The following RAP1GAP2 variants were observed in gnomAD, a reference collection of about 807,000 sequenced individuals.
RAP1GAP2 encodes the protein RAP1 GTPase activating protein 2, also known as rap1 GTPase-activating protein 2.
A neutral mutation model predicts 95.0 loss-of-function variants in RAP1GAP2; 27 were observed. The ratio of observed to expected loss-of-function variants is 0.28; its 90% CI spans 0.21 to 0.39. The LOEUF (loss-of-function observed/expected upper bound fraction) is 0.39. Among genes scored for constraint, RAP1GAP2 ranks in the 10% least tolerant of loss-of-function variants. The pLI is 1.00. For missense variants in RAP1GAP2, 771 were observed against 970.0 expected (o/e 0.79, Z 2.72); for synonymous variants, 373 against 380.9 (o/e 0.98, Z 0.24).
Position 2,797,890 on chromosome 17 carries a change from G to A in RAP1GAP2, c.44+1319G>A, listed in dbSNP as rs2069140625. The A allele has an allele frequency of 1.6e-6, 1 of 625,126 alleles. No individual in the cohort carries two copies. The highest frequency in any genetic ancestry group is 6.3e-5 in the Admixed American group (1 of 15,794). The allele number at this position is 625,126 out of a possible 1,614,324, so 38.7% of individuals were successfully genotyped here. A position where few individuals can be genotyped will look rare whatever the true frequency, so the allele number is the denominator to read the frequency against. On this transcript the variant is annotated intron_variant, in intron 1 of 24. Transcript: ENST00000254695. This position sits in a 1 kb window ranked among gnomAD's most constrained non-coding sequence, Gnocchi z 5.6. ...GGGCAGGGCCCAGCAATTAGATTGT[G>A]CCCTCCAAGGCCCGCCTTTCTCTGG... is the stretch of plus-strand genomic sequence containing the variant.
At chr17:2,960,377 G>A (rs2044270092) in intron 4 of RAP1GAP2, among the ~76,000 whole-genome samples, 1 of 152,160 alleles carries the variant, frequency 6.6e-6, no homozygotes, top group Non-Finnish European at 1.5e-5. Flanking sequence ...TTTGCCAGCT[G>A]GGACAGGGTC....
At chr17:2,873,980 T>A (rs1195005932) in intron 2 of RAP1GAP2, among the ~76,000 whole-genome samples, 1 of 151,958 alleles carries the variant, frequency 6.6e-6, no homozygotes, top group African/African-American at 2.4e-5. Context: ...TTCACCATGT[T>A]GGCCAGGCTG....
chr17:3,017,689 A>G (rs1353690510), intron 17 of RAP1GAP2, among the ~76,000 whole-genome samples: 1 of 152,196 alleles, frequency 6.6e-6, no homozygotes, highest in East Asian at 1.9e-4. Context: ...TAGAGAGGTT[A>G]GTAACTAGGT....
chr17:2,853,697 C>T (rs1186281957), intron 2 of RAP1GAP2, among the ~76,000 whole-genome samples: 1 of 146,656 alleles, frequency 6.8e-6, no homozygotes, highest in Non-Finnish European at 1.5e-5. Flanking sequence ...GGCGGCGCGT[C>T]TGAGCGGGAG....
At position 2,981,076 on chromosome 17, in the gene RAP1GAP2, C is replaced by T. The variant is rs1390758042; in HGVS notation, c.676-119C>T. On this transcript the variant is annotated intron_variant, in intron 9 of 24. Transcript: ENST00000254695. ...TAGTGAGCAGCAGTCAGAATCCCCG[C>T]CCAGGCCTCCTGACCCATGTGCCTC... The T allele has an allele frequency of 7.0e-6, 6 of 859,146 alleles. No homozygotes were observed. The East Asian group carries it at 1.3e-4, about 19-fold the overall frequency. The allele number at this position is 859,146 out of a possible 1,614,324, so 53.2% of individuals were successfully genotyped here. A position where few individuals can be genotyped will look rare whatever the true frequency, so the allele number is the denominator to read the frequency against.
Position 3,004,000 on chromosome 17 carries a change from G to A in RAP1GAP2, c.1201-1369G>A, listed in dbSNP as rs2046253089. Among the ~76,000 whole-genome samples the A allele has an allele frequency of 2.0e-5, 3 of 152,200 alleles. No homozygotes were observed. Among genetic ancestry groups the A allele is most frequent in the Admixed American group, 2.0e-4 (3 of 15,286 alleles). Reference sequence around the variant, plus strand: ...GGCACAGACCACTCTAATGCAGGCTGGAGGAGGAGGGGGAGTGGGGTGGGA... The same window carrying A: ...GGCACAGACCACTCTAATGCAGGCTAGAGGAGGAGGGGGAGTGGGGTGGGA... On this transcript the variant is annotated intron_variant, in intron 14 of 24. Transcript: ENST00000254695. This position sits in a 1 kb window ranked among gnomAD's most constrained non-coding sequence, Gnocchi z 4.1.
chr17:2,927,250 T>C (rs1033325819), intron 3 of RAP1GAP2, among the ~76,000 whole-genome samples: 3 of 151,408 alleles, frequency 2.0e-5, no homozygotes, highest in African/African-American at 4.8e-5. Flanking sequence ...GCCTCCCGGG[T>C]TCAGGCCGTT....
At chr17:2,897,961 C>T (rs1353295691) in intron 2 of RAP1GAP2, among the ~76,000 whole-genome samples, 1 of 151,444 alleles carries the variant, frequency 6.6e-6, no homozygotes, top group African/African-American at 2.4e-5. Flanking sequence ...CGCTCTGTCC[C>T]CCAGGCTGGA....
chr17:3,017,318 C>CA (rs1458446458), intron 17 of RAP1GAP2, among the ~76,000 whole-genome samples: 7 of 152,022 alleles, frequency 4.6e-5, no homozygotes, highest in Admixed American at 1.3e-4. Flanking sequence ...CTGAGCAGCT[C>CA]CGTGCCCCCC....
intron 1 of RAP1GAP2, among the ~76,000 whole-genome samples, chr17:2,766,349 G>T (rs1369472768): frequency 6.6e-6 from 1 of 152,114 alleles, no homozygotes; most frequent in Admixed American, 6.6e-5. Flanking sequence ...CTTGAAAGTG[G>T]AGCCCACATC....
rs143281883 is a variant in RAP1GAP2 at position 3,008,973 on chromosome 17, C to T, written c.1494+828C>T. Among the ~76,000 whole-genome samples, 1 of 152,294 alleles carries T rather than the reference C, an allele frequency of 6.6e-6. No homozygotes were observed. Among genetic ancestry groups the T allele is most frequent in the Non-Finnish European group, 1.5e-5 (1 of 68,030 alleles). ...TTAGAGCCTCATTTCAAACGCAGGT[C>T]TTCTGATTCTTAGGTCCGTGTGCTG... On this transcript the variant is annotated intron_variant, in intron 17 of 24. Coordinates refer to ENST00000254695, the MANE Select transcript of RAP1GAP2 (RefSeq NM_015085.5). This position sits in a 1 kb window ranked among gnomAD's most constrained non-coding sequence, Gnocchi z 4.2.
At chr17:2,973,857 A>T (rs1452258966) in intron 8 of RAP1GAP2, among the ~76,000 whole-genome samples, 1 of 152,252 alleles carries the variant, frequency 6.6e-6, no homozygotes, top group Admixed American at 6.5e-5. Flanking sequence ...AAAACAAAAC[A>T]ATACTTCTAG....
chr17:2,818,794 A>G (rs1459022687), intron 2 of RAP1GAP2, among the ~76,000 whole-genome samples: 1 of 152,174 alleles, frequency 6.6e-6, no homozygotes, highest in African/African-American at 2.4e-5. Flanking sequence ...GACACGCAGC[A>G]GCTGTGAGAC....
Position 2,983,064 on chromosome 17 carries a change from G to A in RAP1GAP2, c.729+1816G>A, listed in dbSNP as rs569887885. Among the ~76,000 whole-genome samples, 10 of 152,310 alleles carry A rather than the reference G, an allele frequency of 6.6e-5. No homozygotes were observed. In the East Asian group the frequency reaches 1.5e-3, roughly 23 times the overall value. Reference sequence around the variant, plus strand: ...GGTCGGGCAGCAGCGCCGTCGCTGGGGGAGCTGCGAAGCGTCCGTTTCCCC... The same window carrying A: ...GGTCGGGCAGCAGCGCCGTCGCTGGAGGAGCTGCGAAGCGTCCGTTTCCCC... On this transcript the variant is annotated intron_variant, in intron 10 of 24. Transcript: ENST00000254695.
In RAP1GAP2 at chr17:2,963,953, T is replaced by G; in HGVS notation, c.377T>G (p.Leu126Arg). 6.2e-7 allele frequency: 1 copy of G among 1,612,996 alleles called. No individual in the cohort carries two copies. Among genetic ancestry groups the G allele is most frequent in the Non-Finnish European group, 8.5e-7 (1 of 1,179,694 alleles). The change falls in exon 7 of 25, where the codon CTG (leucine) becomes CGG (arginine). Residue 126 changes from leucine to arginine, a missense_variant. Transcript: ENST00000254695. This position sits in a 1 kb window ranked among gnomAD's most constrained non-coding sequence, Gnocchi z 4.8. The stretch of plus-strand genomic sequence containing the variant: ...GAGAACGTGGGCACCCCAACATCGC[T>G]GGGGAGCAGCATCTGTGAGGAGGAG... ...DPENVGTPTS[L>R]GSSICEEEEE...
At position 2,891,651 on chromosome 17, in the gene RAP1GAP2, G is replaced by A. The variant is rs186135638; in HGVS notation, c.81-13633G>A. ...AGGGTGTGAATTTTTTTGAGCTCTT[G>A]CATATTTCAGAATGTCTTTATTGGT... On this transcript the variant is annotated intron_variant, in intron 2 of 24. Coordinates refer to ENST00000254695, the MANE Select transcript of RAP1GAP2 (RefSeq NM_015085.5). Among the ~76,000 whole-genome samples, 22 of 151,160 alleles carry A rather than the reference G, an allele frequency of 1.5e-4. No individual in the cohort carries two copies. The Admixed American group carries it at 1.5e-3, about 10-fold the overall frequency.
rs2069978464 is a variant in RAP1GAP2, at chr17:2,815,631, A to G, written c.80+15081A>G. 2.6e-5 allele frequency among the ~76,000 whole-genome samples: 4 copies of G among 151,822 alleles called. No homozygotes were observed. In the East Asian group the frequency reaches 5.8e-4, roughly 22 times the overall value. On this transcript the variant is annotated intron_variant, in intron 2 of 24. Coordinates refer to ENST00000254695, the MANE Select transcript of RAP1GAP2 (RefSeq NM_015085.5). ...TGAGTAGCTGGGATTACAGGCGCGC[A>G]CCACCACGCCCAGCTAATTTTTGTA...
chr17:2,808,858 T>C (rs925715832), intron 2 of RAP1GAP2, among the ~76,000 whole-genome samples: 2 of 152,034 alleles, frequency 1.3e-5, no homozygotes, highest in East Asian at 3.9e-4. Context: ...CCCATGCAGG[T>C]GGACGTGAGC....
chr17:2,910,898 C>T (rs920668018), intron 3 of RAP1GAP2, among the ~76,000 whole-genome samples: 1 of 152,294 alleles, frequency 6.6e-6, no homozygotes. Flanking sequence ...GGGGTTTCCC[C>T]CTGTTGGCCA....
Sources: gnomAD v4.1 joint callset for allele counts (sites outside exome capture counted in the v4.1 genomes callset) on GRCh38, gnomAD v4.1.1 for gene constraint, Gnocchi (gnomAD v3.1) non-coding constraint, MANE v1.5 for transcripts, NCBI Gene and HGNC (gene_info 2026-07-23, HGNC 2026-07-21) for gene names.